SYCP2: variants seen among roughly 807,000 people sequenced by gnomAD.
The protein encoded by SYCP2 is synaptonemal complex lateral element protein.
SYCP2 carries 55 observed loss-of-function variants against 211.3 expected under a neutral mutation model. The observed-to-expected ratio is 0.26, with a 90% CI of 0.21 to 0.33. The LOEUF is 0.33. SYCP2 is among the 10% of genes least tolerant of loss of function. The pLI is 1.00. For synonymous variants in SYCP2, 570 were observed against 555.2 expected (o/e 1.03, Z -0.37); for missense variants, 1,731 against 1,752.0 (o/e 0.99, Z 0.21).
At chr20:59,900,018 G>T in intron 18 of SYCP2, 120 bp downstream of exon 18, 1 of 1,098,110 alleles carries the variant, frequency 9.1e-7, no homozygotes, top group Non-Finnish European at 1.3e-6. Flanking sequence ...GAAACACTCT[G>T]AAATGTGATT....
At position 59,881,042 on chromosome 20, in the gene SYCP2, T is replaced by C. The variant is rs762175562; in HGVS notation, c.2715-19A>G. ...ACCTACCCTTAAACAAAAATATGTA[T>C]TAATTAAAAAATACCCTTCATACTT... On this transcript the variant is annotated intron_variant, in intron 29 of 44. Coordinates refer to ENST00000357552, the MANE Select transcript of SYCP2 (RefSeq NM_014258.4). 3 of 1,380,134 alleles carry C rather than the reference T, an allele frequency of 2.2e-6. No individual in the cohort carries two copies. Among genetic ancestry groups the C allele is most frequent in the East Asian group, 4.9e-5 (2 of 40,736 alleles). The allele number at this position is 1,380,134 out of a possible 1,614,324, so 85.5% of individuals were successfully genotyped here.
chr20:59,889,428 A>C (rs1350826412), intron 24 of SYCP2, among the ~76,000 whole-genome samples: 1 of 152,012 alleles, frequency 6.6e-6, no homozygotes, highest in Non-Finnish European at 1.5e-5. Flanking sequence ...AATAAGAATT[A>C]TTCTCAGCAT....
chr20:59,933,344 C>G (rs1337489658), intron 1 of SYCP2: 1 of 151,976 alleles, frequency 6.6e-6, no homozygotes, highest in African/African-American at 2.4e-5. Context: ...GCGAGCCACC[C>G]TCGCCGCGAA....
Position 59,874,045 on chromosome 20 carries a change from T to C in SYCP2, c.3366A>G (p.Thr1122=), listed in dbSNP as rs1334639383. 4 of 1,597,136 alleles carry C rather than the reference T, an allele frequency of 2.5e-6. No homozygotes were observed. The highest frequency in any genetic ancestry group is 3.4e-6 in the Non-Finnish European group (4 of 1,171,642). The change falls in exon 35 of 45, where the codon ACA becomes ACG. Residue 1122 remains threonine (T), a synonymous_variant. Coordinates refer to ENST00000357552, the MANE Select transcript of SYCP2 (RefSeq NM_014258.4). ...IEVTRCIEKI[T]EKDFTQDYDC... is the part of the protein sequence containing the mutation. ...CATAATCCTGAGTAAAATCCTTTTC[T>C]GTTATTTTCTCTATACCTATATTGC...
intron 31 of SYCP2, among the ~76,000 whole-genome samples, chr20:59,879,822 A>AATAAATATATAT (rs1282998120): frequency 3.9e-5 from 2 of 51,116 alleles, no homozygotes; most frequent in Non-Finnish European, 6.4e-5. Context: ...AATATAAATA[A>AATAAATATATAT]ATATATATAT....
intron 7 of SYCP2, among the ~76,000 whole-genome samples, chr20:59,917,212 AATT>A (rs2060459882): frequency 6.6e-6 from 1 of 152,136 alleles, no homozygotes; most frequent in African/African-American, 2.4e-5. Flanking sequence ...TGACCTCATT[AATT>A]TTTAGTTATA....
intron 40 of SYCP2, 25 bp downstream of exon 40, chr20:59,866,470 T>G (rs1408736102): frequency 6.3e-7 from 1 of 1,591,656 alleles, no homozygotes; most frequent in Admixed American, 1.7e-5. Context: ...TTCAAAAGTT[T>G]TCAGAACAGA....
chr20:59,913,133 T>C (rs1356619502), intron 12 of SYCP2, among the ~76,000 whole-genome samples: 1 of 152,228 alleles, frequency 6.6e-6, no homozygotes, highest in Admixed American at 6.5e-5. Context: ...AGTGAATAAT[T>C]ACATTAAAAA....
chr20:59,901,314 T>C (rs1265190485), intron 16 of SYCP2, among the ~76,000 whole-genome samples: 2 of 152,120 alleles, frequency 1.3e-5, no homozygotes, highest in Admixed American at 6.6e-5. Flanking sequence ...CTACAACTCA[T>C]GTTCCCTATG....
intron 13 of SYCP2, 36 bp from the exon 14 acceptor site, chr20:59,911,881 T>C (rs2060336257): frequency 9.1e-7 from 1 of 1,103,220 alleles, no homozygotes; most frequent in African/African-American, 1.6e-5. Flanking sequence ...GAATATACAA[T>C]GATTTTAGAA....
Position 59,893,127 on chromosome 20 carries a change from T to C in SYCP2, c.1793+15A>G, listed in dbSNP as rs754625436. The C allele has an allele frequency of 6.3e-7, 1 of 1,575,194 alleles. No homozygotes were observed. Among genetic ancestry groups the C allele is most frequent in the Admixed American group, 1.7e-5 (1 of 58,012 alleles). On this transcript the variant is annotated intron_variant, in intron 22 of 44. Transcript: ENST00000357552. Reference sequence around the variant, plus strand: ...TAGTATAGACTAAATGATTTGATGGTTTTCTCATACTTACATAGTATGATC... The same window carrying C: ...TAGTATAGACTAAATGATTTGATGGCTTTCTCATACTTACATAGTATGATC...
chr20:59,916,563 GT>G lies in SYCP2; in HGVS notation c.435del (p.Lys145AsnfsTer3). On this transcript the variant is annotated frameshift_variant, in exon 8 of 45. Coordinates refer to ENST00000357552, the MANE Select transcript of SYCP2 (RefSeq NM_014258.4). LOFTEE classifies it high-confidence loss of function. ...CGAGGTACGAAACTTTCCACTACTTGTTTTTTACCTGAATAAAAGTGTTAAA... is the reference window on the plus strand; with the variant it reads ...CGAGGTACGAAACTTTCCACTACTTGTTTTTACCTGAATAAAAGTGTTAAA... The part of the protein sequence containing the change: ...VIHDVSDEGK[K>X]QVVESFVPRI... 2 of 1,594,216 alleles carry G rather than the reference GT, an allele frequency of 1.3e-6. No homozygotes were observed. The highest frequency in any genetic ancestry group is 1.3e-5 in the African/African-American group (1 of 74,618).
chr20:59,907,525 G>T, intron 14 of SYCP2, 101 bp from the exon 15 acceptor site: 1 of 904,112 alleles, frequency 1.1e-6, no homozygotes, highest in Non-Finnish European at 1.7e-6. Context: ...AATTCTTTTT[G>T]CTAGTCACTA....
intron 2 of SYCP2, among the ~76,000 whole-genome samples, chr20:59,929,183 T>C (rs906773764): frequency 1.3e-5 from 2 of 152,116 alleles, no homozygotes; most frequent in Non-Finnish European, 2.9e-5. Context: ...GTAATCAGAA[T>C]GCTAGTAAAA....
chr20:59,875,853 G>A (rs2059544343), intron 33 of SYCP2, among the ~76,000 whole-genome samples: 1 of 152,062 alleles, frequency 6.6e-6, no homozygotes, highest in African/African-American at 2.4e-5. Context: ...AAGAACAGAG[G>A]GAGTTGAGAG....
At chr20:59,871,856 C>T (rs2059458279) in intron 35 of SYCP2, among the ~76,000 whole-genome samples, 1 of 151,778 alleles carries the variant, frequency 6.6e-6, no homozygotes, top group South Asian at 2.1e-4. Context: ...AATACAGACA[C>T]AATTAAAAAT....
rs573448261 is a variant in SYCP2 at position 59,878,512 on chromosome 20, C to T, written c.2942-467G>A. On this transcript the variant is annotated intron_variant, in intron 31 of 44. Coordinates refer to ENST00000357552, the MANE Select transcript of SYCP2 (RefSeq NM_014258.4). ...GTCAGCATAAGTTAAAAAGTTAACACCTATAAATCTACCACTCAATTTAAG... is the reference window on the plus strand; with the variant it reads ...GTCAGCATAAGTTAAAAAGTTAACATCTATAAATCTACCACTCAATTTAAG... Among the ~76,000 whole-genome samples the T allele has an allele frequency of 3.3e-5, 5 of 152,166 alleles. No individual in the cohort carries two copies. In the East Asian group the frequency reaches 9.6e-4, roughly 29 times the overall value.
intron 14 of SYCP2, among the ~76,000 whole-genome samples, chr20:59,907,828 T>C (rs2060240463): frequency 6.6e-6 from 1 of 152,234 alleles, no homozygotes; most frequent in Non-Finnish European, 1.5e-5. Flanking sequence ...ACTCATTAAC[T>C]GATTGTCCTT....
At chr20:59,871,316 A>G (rs987536411) in intron 35 of SYCP2, among the ~76,000 whole-genome samples, 2 of 151,960 alleles carry the variant, frequency 1.3e-5, no homozygotes, top group Non-Finnish European at 2.9e-5. Context: ...GAAACAACTG[A>G]TAACATCTAC....
Sources: gnomAD v4.1 joint callset for allele counts (sites outside exome capture counted in the v4.1 genomes callset) on GRCh38, gnomAD v4.1.1 for gene constraint, MANE v1.5 for transcripts, NCBI Gene and HGNC (gene_info 2026-07-23, HGNC 2026-07-21) for gene names.